The following PTPN3 variants were observed in gnomAD, a reference collection of about 807,000 sequenced individuals.
The protein encoded by PTPN3 is tyrosine-protein phosphatase non-receptor type 3.
In PTPN3, 96 loss-of-function variants were observed where a neutral mutation model predicts 132.7. The observed-to-expected ratio is 0.72, with a 90% CI of 0.61 to 0.86. The LOEUF (loss-of-function observed/expected upper bound fraction) is 0.86, where lower values mean the gene tolerates loss of function less well. Ranked by LOEUF, PTPN3 falls within the 40% of genes least tolerant of loss-of-function variation. The pLI is 0.00. For synonymous variants in PTPN3, 398 were observed against 429.0 expected, an observed-to-expected ratio of 0.93 and a Z score of 0.89; for missense variants, 1,125 against 1,159.6, an observed-to-expected ratio of 0.97 and a Z score of 0.43.
intron 1 of PTPN3, among the ~76,000 whole-genome samples, chr9:109,492,925 A>C (rs2132126407): frequency 6.6e-6 from 1 of 152,370 alleles, no homozygotes; most frequent in Middle Eastern, 3.4e-3. Flanking sequence ...AATATTTCTC[A>C]TTCTAATAAA....
the PTPN3 span, among the ~76,000 whole-genome samples, chr9:109,535,699 G>A: frequency 6.6e-6 from 1 of 151,930 alleles, no homozygotes; most frequent in Non-Finnish European, 1.5e-5. Context: ...TAGAGATAGG[G>A]TTTCACCACG....
rs556130639 is a variant in PTPN3 at position 109,377,229 on chromosome 9, C to T, written c.*2327G>A. On this transcript the variant is annotated 3_prime_UTR_variant, in exon 26 of 26. Transcript: ENST00000374541. Reference sequence around the variant, plus strand: ...CCAGATTATTTTGTGCTCTTGTTCTCTCTCTTCTAGAAGAGCATTTTCTAT... The same window carrying T: ...CCAGATTATTTTGTGCTCTTGTTCTTTCTCTTCTAGAAGAGCATTTTCTAT... 1 of 152,282 alleles carries T rather than the reference C, an allele frequency of 6.6e-6. No individual in the cohort carries two copies. The highest frequency in any genetic ancestry group is 2.4e-5 in the African/African-American group (1 of 41,544). The allele number at this position is 152,282 out of a possible 1,614,324, so 9.4% of individuals were successfully genotyped here. A position where few individuals can be genotyped will look rare whatever the true frequency, so the allele number is the denominator to read the frequency against.
chr9:109,400,282 CCTTTA>C (rs1409112463), intron 19 of PTPN3, among the ~76,000 whole-genome samples: 8 of 152,296 alleles, frequency 5.3e-5, no homozygotes, highest in African/African-American at 1.9e-4. Context: ...TTGGAGCCTC[CCTTTA>C]TTTATAAATA....
At chr9:109,427,789 A>G (rs906106016) in intron 11 of PTPN3, among the ~76,000 whole-genome samples, 4 of 152,310 alleles carry the variant, frequency 2.6e-5, no homozygotes, top group Admixed American at 2.0e-4. Context: ...GGCCATTTTA[A>G]GCATATATTA....
intron 5 of PTPN3, chr9:109,450,273 A>G: frequency 1.0e-6 from 1 of 985,300 alleles, no homozygotes; most frequent in Non-Finnish European, 1.2e-6. Flanking sequence ...CATCTTTTCC[A>G]CCTAGGAGAA....
chr9:109,389,515 G>A (rs1839888124), intron 21 of PTPN3, 136 bp from the exon 22 acceptor site: 2 of 887,318 alleles, frequency 2.3e-6, no homozygotes, highest in Non-Finnish European at 3.2e-6. Flanking sequence ...AGCCAATAAG[G>A]AAAATCAAAC....
intron 1 of PTPN3, among the ~76,000 whole-genome samples, chr9:109,484,456 C>G (rs1409404194): frequency 6.6e-6 from 1 of 152,310 alleles, no homozygotes; most frequent in Non-Finnish European, 1.5e-5. Flanking sequence ...GCAGCCTGGC[C>G]GAGCCACCTC....
At chr9:109,497,169 A>G (rs1320128003) in intron 1 of PTPN3, among the ~76,000 whole-genome samples, 5 of 152,204 alleles carry the variant, frequency 3.3e-5, no homozygotes, top group African/African-American at 1.2e-4. Context: ...GCACAGAGAC[A>G]GGGTCTGTCA....
intron 2 of PTPN3, among the ~76,000 whole-genome samples, chr9:109,462,779 C>T (rs1339173974): frequency 6.6e-6 from 1 of 152,064 alleles, no homozygotes; most frequent in African/African-American, 2.4e-5. Context: ...TCACAACCCA[C>T]TCACTCACAC....
chr9:109,433,338 G>C (rs1006745290), intron 9 of PTPN3, among the ~76,000 whole-genome samples, 177 bp from the exon 10 acceptor site: 2 of 152,202 alleles, frequency 1.3e-5, no homozygotes, highest in Non-Finnish European at 1.5e-5. Flanking sequence ...GAAGTACTGA[G>C]TACCAAATTC....
rs1025815320 is a variant in PTPN3, at chr9:109,377,054, A to G, written c.*2502T>C. 1 of 152,244 alleles carries G rather than the reference A, an allele frequency of 6.6e-6. No individual in the cohort carries two copies. Among genetic ancestry groups the G allele is most frequent in the African/African-American group, 2.4e-5 (1 of 41,466 alleles). The allele number at this position is 152,244 out of a possible 1,614,324, so 9.4% of individuals were successfully genotyped here. A position where few individuals can be genotyped will look rare whatever the true frequency, so the allele number is the denominator to read the frequency against. The stretch of plus-strand genomic sequence containing the variant: ...CAGTAAAACACCCATCTCCAAAGAC[A>G]TTTAGACTACTTTGCAAGCATTTTG... On this transcript the variant is annotated 3_prime_UTR_variant, in exon 26 of 26. Coordinates refer to ENST00000374541, the MANE Select transcript of PTPN3 (RefSeq NM_002829.4).
chr9:109,415,032 G>GTCCGTCCGTCCGTCCGTCCA (rs1185663381), intron 14 of PTPN3, among the ~76,000 whole-genome samples: 1 of 147,574 alleles, frequency 6.8e-6, no homozygotes, highest in Non-Finnish European at 1.5e-5. Flanking sequence ...TTGTCCGTCT[G>GTCCGTCCGTCCGTCCGTCCA]TCCGTCCGTC....
intron 21 of PTPN3, among the ~76,000 whole-genome samples, chr9:109,390,437 T>A (rs1211213141): frequency 6.6e-6 from 1 of 152,174 alleles, no homozygotes; most frequent in African/African-American, 2.4e-5. Context: ...CATATTACTA[T>A]CTGGTTGGCT....
chr9:109,426,833 C>T (rs1843315345), intron 12 of PTPN3, 117 bp downstream of exon 12: 1 of 1,156,530 alleles, frequency 8.6e-7, no homozygotes, highest in Admixed American at 2.5e-5. Flanking sequence ...GATCCAATGC[C>T]TGGAGCCCCT....
intron 19 of PTPN3, among the ~76,000 whole-genome samples, chr9:109,395,169 A>G (rs1840469856): frequency 6.6e-6 from 1 of 151,134 alleles, no homozygotes; most frequent in African/African-American, 2.4e-5. Flanking sequence ...AAGTGGAGGG[A>G]AGAAACTGAA....
At chr9:109,484,544 G>A (rs1286856274) in intron 1 of PTPN3, among the ~76,000 whole-genome samples, 3 of 152,186 alleles carry the variant, frequency 2.0e-5, no homozygotes, top group Non-Finnish European at 4.4e-5. Flanking sequence ...TAGAATTGAG[G>A]GGCAAAAGTT....
the PTPN3 span, chr9:109,532,913 C>T: frequency 9.9e-7 from 1 of 1,010,288 alleles, no homozygotes; most frequent in Non-Finnish European, 1.3e-6. Flanking sequence ...TGTCTCTTTG[C>T]CACCTTGTGG....
chr9:109,401,730 C>T (rs573041258), intron 19 of PTPN3, among the ~76,000 whole-genome samples: 198 of 152,308 alleles, frequency 1.3e-3, no homozygotes, highest in African/African-American at 4.6e-3. Flanking sequence ...CTGCACTGCG[C>T]TGTCCACCCA....
chr9:109,498,327 C>G (rs1337759541), upstream of PTPN3: 3 of 146,380 alleles, frequency 2.0e-5, no homozygotes, highest in Admixed American at 1.4e-4. The surrounding 1 kb of genome is among the most constrained non-coding windows in gnomAD (Gnocchi z 4.2). Context: ...CAGTGCCGCC[C>G]GCGGGCGGTT....
Sources: gnomAD v4.1 joint callset for allele counts (sites outside exome capture counted in the v4.1 genomes callset) on GRCh38, gnomAD v4.1.1 for gene constraint, Gnocchi (gnomAD v3.1) non-coding constraint, MANE v1.5 for transcripts, NCBI Gene and HGNC (gene_info 2026-07-23, HGNC 2026-07-21) for gene names.